The following PBX1 variants were observed in gnomAD, a reference collection of about 807,000 sequenced individuals.
PBX1 encodes PBX homeobox 1, also known as pre-B-cell leukemia transcription factor 1.
PBX1 carries 6 observed loss-of-function variants against 53.4 expected under a neutral mutation model. That is an observed-to-expected ratio of 0.11 (90% CI 0.06 to 0.22). PBX1 has a LOEUF of 0.22. Among genes scored for constraint, PBX1 ranks in the 10% least tolerant of loss-of-function variants. The pLI is 1.00. For synonymous variants in PBX1, 204 were observed against 212.3 expected, an observed-to-expected ratio of 0.96 and a Z score of 0.34; for missense variants, 251 against 551.4, an observed-to-expected ratio of 0.46 and a Z score of 5.46.
In PBX1 at chr1:164,846,930, A is replaced by G. The variant is rs188518874; in HGVS notation, c.*254A>G. 11 of 1,359,878 alleles carry G rather than the reference A, an allele frequency of 8.1e-6. No individual in the cohort carries two copies. The highest frequency in any genetic ancestry group is 2.6e-5 in the East Asian group (1 of 38,016). 84.2% of individuals were successfully genotyped at this position (1,359,878 alleles called of 1,614,324 possible). ...TCCAGCTGTCAGCCTGGTTTTCGTCATCTTCCCTGCCCCTGTGCCTCTGTC... is the reference window on the plus strand; with the variant it reads ...TCCAGCTGTCAGCCTGGTTTTCGTCGTCTTCCCTGCCCCTGTGCCTCTGTC... On this transcript the variant is annotated 3_prime_UTR_variant, in exon 9 of 9. Coordinates refer to ENST00000420696, the MANE Select transcript of PBX1 (RefSeq NM_002585.4).
At chr1:164,612,214 C>T (rs890555534) in intron 2 of PBX1, among the ~76,000 whole-genome samples, 5 of 152,172 alleles carry the variant, frequency 3.3e-5, no homozygotes, top group Non-Finnish European at 7.4e-5. Flanking sequence ...CACCTCTGGG[C>T]GCCTCAGCCA....
chr1:164,591,373 C>A (rs1345901659), intron 2 of PBX1, among the ~76,000 whole-genome samples: 1 of 152,124 alleles, frequency 6.6e-6, no homozygotes, highest in Non-Finnish European at 1.5e-5. Context: ...CAAGGGAAAA[C>A]CTTATTAATT....
chr1:164,797,553 G>A (rs1299250466), intron 3 of PBX1, among the ~76,000 whole-genome samples: 1 of 152,104 alleles, frequency 6.6e-6, no homozygotes. Context: ...AGAGTGGAGA[G>A]TAACATGCTA....
rs200931470 is a variant in PBX1 at position 164,625,809 on chromosome 1, TAAAAAAAAAAAAAA to T, written c.265+62500_265+62513del. On this transcript the variant is annotated intron_variant, in intron 2 of 8. Transcript: ENST00000420696. ...TTATAATGAGATCCCTGATGGGATT[TAAAAAAAAAAAAAA>T]AGAAAAAAAACACCTTACATGAATT... 1.4e-5 allele frequency: 4 copies of T among 288,432 alleles called. No homozygotes were observed. The South Asian group carries it at 5.6e-4, about 40-fold the overall frequency. The allele number at this position is 288,432 out of a possible 1,614,324, so 17.9% of individuals were successfully genotyped here.
rs187263170 is a variant in PBX1, at chr1:164,838,817, C to T, written c.1201-7767C>T. On this transcript the variant is annotated intron_variant, in intron 8 of 8. Coordinates refer to ENST00000420696, the MANE Select transcript of PBX1 (RefSeq NM_002585.4). ...CCAAGCCATCCAGTATTCACAGGAA[C>T]GAGACACCAAGGGAAGGCTTCAAAG... Among the ~76,000 whole-genome samples, 31 of 152,242 alleles carry T rather than the reference C, an allele frequency of 2.0e-4. No individual in the cohort carries two copies. The South Asian group carries it at 2.3e-3, about 11-fold the overall frequency.
chr1:164,603,921 G>GTCATT lies in PBX1; in HGVS notation c.265+40617_265+40621dup, dbSNP rs1167338421. ...TAATGCAAGACACTCTGTACATTAT[G>GTCATT]TCATTTCATTTTTTTTTTTTTTTTT... On this transcript the variant is annotated intron_variant, in intron 2 of 8. Transcript: ENST00000420696. Among the ~76,000 whole-genome samples the GTCATT allele has an allele frequency of 3.2e-3, 252 of 79,674 alleles. 2 individuals carry two copies. The highest frequency in any genetic ancestry group is 0.011 in the African/African-American group (233 of 21,232). 52.3% of individuals were successfully genotyped at this position (79,674 alleles called of 152,430 possible).
At chr1:164,691,066 G>A (rs1248491417) in intron 2 of PBX1, among the ~76,000 whole-genome samples, 4 of 147,518 alleles carry the variant, frequency 2.7e-5, no homozygotes, top group African/African-American at 7.6e-5. Flanking sequence ...CCAGGCTGGA[G>A]TGCAGTGGTG....
At chr1:164,861,655 G>C (rs1672101385) in intron 2 of PBX1, among the ~76,000 whole-genome samples, 2 of 152,144 alleles carry the variant, frequency 1.3e-5, no homozygotes, top group Admixed American at 6.5e-5. Flanking sequence ...TGTTAGAAGT[G>C]ACAAGTGCTA....
At chr1:164,724,331 A>G (rs746040718) in intron 2 of PBX1, among the ~76,000 whole-genome samples, 1 of 152,180 alleles carries the variant, frequency 6.6e-6, no homozygotes. Context: ...TATGTATGTC[A>G]TACAAACAGA....
At chr1:164,704,633 G>C (rs1208205134) in intron 2 of PBX1, among the ~76,000 whole-genome samples, 2 of 148,838 alleles carry the variant, frequency 1.3e-5, no homozygotes, top group Non-Finnish European at 3.0e-5. Flanking sequence ...CTATAGAATT[G>C]GATGGATACA....
intron 2 of PBX1, among the ~76,000 whole-genome samples, chr1:164,681,086 A>T (rs538768915): frequency 9.6e-6 from 1 of 104,412 alleles, no homozygotes; most frequent in African/African-American, 3.8e-5. Flanking sequence ...TCTACTAAGA[A>T]TTTAAAAATT....
At chr1:164,734,702 T>C (rs1473526829) in intron 2 of PBX1, among the ~76,000 whole-genome samples, 3 of 152,180 alleles carry the variant, frequency 2.0e-5, no homozygotes, top group Admixed American at 6.5e-5. Flanking sequence ...AAAATTATTG[T>C]TTGATATATT....
intron 2 of PBX1, among the ~76,000 whole-genome samples, chr1:164,661,491 A>C (rs889544448): frequency 7.7e-5 from 11 of 142,258 alleles, no homozygotes; most frequent in African/African-American, 2.9e-4. Context: ...CAATGGTATG[A>C]TCTTGGCTCA....
intron 2 of PBX1, among the ~76,000 whole-genome samples, chr1:164,762,556 T>A (rs1409944680): frequency 6.6e-6 from 1 of 152,216 alleles, no homozygotes; most frequent in Non-Finnish European, 1.5e-5. Context: ...ACCTGGTAAT[T>A]AGTTATCTGG....
Position 164,846,718 on chromosome 1 carries a change from G to T in PBX1, c.*42G>T. On this transcript the variant is annotated 3_prime_UTR_variant, in exon 9 of 9. Transcript: ENST00000420696. Reference sequence around the variant, plus strand: ...TCCCGGCTGACCCTGTGCCCCAGTTGGGGCAGGGGCAGGAGGGAGGGTTTC... The same window carrying T: ...TCCCGGCTGACCCTGTGCCCCAGTTTGGGCAGGGGCAGGAGGGAGGGTTTC... 1 of 1,613,802 alleles carries T rather than the reference G, an allele frequency of 6.2e-7. No individual in the cohort carries two copies. Among genetic ancestry groups the T allele is most frequent in the Non-Finnish European group, 8.5e-7 (1 of 1,179,922 alleles).
In PBX1 at chr1:164,845,427, G is replaced by T. The variant is rs927864461; in HGVS notation, c.1201-1157G>T. Among the ~76,000 whole-genome samples, 66 of 151,458 alleles carry T rather than the reference G, an allele frequency of 4.4e-4. 1 individual carries two copies. Among genetic ancestry groups the T allele is most frequent in the Admixed American group, 4.1e-3 (62 of 15,260 alleles). On this transcript the variant is annotated intron_variant, in intron 8 of 8. Transcript: ENST00000420696. ...CCCCATCTCCCCCAAATTTTTCAGA[G>T]AATGAGAGGATAGTACAATAGAAAA...
intron 2 of PBX1, among the ~76,000 whole-genome samples, chr1:164,752,144 C>G (rs1238914202): frequency 6.7e-6 from 1 of 150,306 alleles, no homozygotes; most frequent in East Asian, 2.0e-4. Flanking sequence ...ACGTGGCTAC[C>G]AAGAAACAAA....
chr1:164,793,805 CT>C (rs1005822812), intron 3 of PBX1, among the ~76,000 whole-genome samples: 1 of 142,890 alleles, frequency 7.0e-6, no homozygotes, highest in South Asian at 2.3e-4. Flanking sequence ...CTTTTCTTTT[CT>C]TTTTTTTCGT....
chr1:164,751,052 A>G (rs1209262448), intron 2 of PBX1, among the ~76,000 whole-genome samples: 1 of 152,114 alleles, frequency 6.6e-6, no homozygotes, highest in African/African-American at 2.4e-5. Context: ...GCGGTGACTC[A>G]TGCCTGTAAT....
Sources: allele counts gnomAD v4.1 joint callset (sites outside exome capture counted in the v4.1 genomes callset), GRCh38; gene constraint gnomAD v4.1.1; transcripts MANE v1.5; gene names NCBI Gene and HGNC (gene_info 2026-07-23, HGNC 2026-07-21).